SPTLC1: variants seen among roughly 807,000 people sequenced by gnomAD.
SPTLC1 encodes serine palmitoyltransferase long chain base subunit 1.
In SPTLC1, 55 loss-of-function variants were observed where a neutral mutation model predicts 68.9. The observed-to-expected ratio is 0.80, with a 90% CI of 0.64 to 1.00. SPTLC1 has a LOEUF of 1.00. Among genes scored for constraint, SPTLC1 ranks in the 50% least tolerant of loss-of-function variants. SPTLC1 has a pLI of 0.00. For missense variants in SPTLC1, 449 were observed against 573.1 expected, an observed-to-expected ratio of 0.78 and a Z score of 2.21; for synonymous variants, 197 against 201.6, an observed-to-expected ratio of 0.98 and a Z score of 0.19.
At chr9:92,061,861 T>C (rs1036513208) in intron 6 of SPTLC1, among the ~76,000 whole-genome samples, 50 of 151,804 alleles carry the variant, frequency 3.3e-4, no homozygotes, top group Non-Finnish European at 1.3e-4. Flanking sequence ...AAAAGTAAAT[T>C]CTAAAAACAT....
chr9:92,065,943 G>A (rs771338157), intron 6 of SPTLC1, among the ~76,000 whole-genome samples: 16 of 152,112 alleles, frequency 1.1e-4, no homozygotes, highest in South Asian at 4.2e-4. Flanking sequence ...CTGCACAAGC[G>A]TTCCAACGGT....
chr9:92,052,414 C>A (rs140291360), intron 8 of SPTLC1, among the ~76,000 whole-genome samples: 1 of 151,980 alleles, frequency 6.6e-6, no homozygotes, highest in African/African-American at 2.4e-5. Context: ...TCAACGCATA[C>A]GCAAAAATGA....
At chr9:92,057,905 A>T (rs1012647792) in intron 7 of SPTLC1, among the ~76,000 whole-genome samples, 1 of 152,054 alleles carries the variant, frequency 6.6e-6, no homozygotes, top group Non-Finnish European at 1.5e-5. Context: ...TTGCTCATTT[A>T]AAAAAAAGTT....
chr9:92,081,957 T>C (rs1302619274), intron 3 of SPTLC1, among the ~76,000 whole-genome samples: 4 of 152,158 alleles, frequency 2.6e-5, no homozygotes, highest in Non-Finnish European at 5.9e-5. Flanking sequence ...TGAAGTAAAT[T>C]CATGAAAGCG....
Position 92,115,362 on chromosome 9 carries a change from G to A in SPTLC1, c.9C>T (p.Thr3=). 2 of 1,613,104 alleles carry A rather than the reference G, an allele frequency of 1.2e-6. No homozygotes were observed. The change falls in exon 1 of 15, where the codon ACC becomes ACT. Residue 3 remains threonine, a synonymous_variant. Transcript: ENST00000262554. ...CCACCAGAACCCACTGCTCCGTGGCGGTCGCCATAGTTAGCCGCTTCCTTC... is the reference window on the plus strand; with the variant it reads ...CCACCAGAACCCACTGCTCCGTGGCAGTCGCCATAGTTAGCCGCTTCCTTC... MA[T]ATEQWVLVEM... is the part of the protein sequence containing the mutation.
At chr9:92,102,639 G>A (rs539285402) in intron 3 of SPTLC1, among the ~76,000 whole-genome samples, 2 of 151,894 alleles carry the variant, frequency 1.3e-5, no homozygotes, top group Non-Finnish European at 2.9e-5. Flanking sequence ...AAGCTCCAGA[G>A]TAACCAGAGA....
At chr9:92,099,743 A>C (rs1291090463) in intron 3 of SPTLC1, among the ~76,000 whole-genome samples, 1 of 152,088 alleles carries the variant, frequency 6.6e-6, no homozygotes, top group East Asian at 1.9e-4. Context: ...CAGCCTCCCA[A>C]AGTGCTGAGA....
At chr9:92,097,214 T>A (rs189240959) in intron 3 of SPTLC1, among the ~76,000 whole-genome samples, 155 of 152,232 alleles carry the variant, frequency 1.0e-3, no homozygotes, top group Admixed American at 2.5e-3. Flanking sequence ...ATGTAGCTAG[T>A]GGGAATATAA....
At chr9:92,032,649 G>A in intron 14 of SPTLC1, 91 bp from the exon 15 acceptor site, 7 of 1,529,984 alleles carry the variant, frequency 4.6e-6, no homozygotes, top group Non-Finnish European at 6.3e-6. Context: ...GGCCAAGGCA[G>A]GTGGATCACG....
intron 3 of SPTLC1, among the ~76,000 whole-genome samples, chr9:92,088,560 A>G (rs1835243985): frequency 6.6e-6 from 1 of 152,232 alleles, no homozygotes; most frequent in African/African-American, 2.4e-5. Context: ...AAAACAAAAA[A>G]CAAACAACAA....
At chr9:92,032,616 G>A (rs958863554) in intron 14 of SPTLC1, 58 bp from the exon 15 acceptor site, 19 of 1,608,118 alleles carry the variant, frequency 1.2e-5, no homozygotes, top group Middle Eastern at 1.7e-4. Context: ...AGTGGCTCAC[G>A]CCTGTAATCC....
At position 92,112,182 on chromosome 9, in the gene SPTLC1, G is replaced by A. The variant is rs944673517; in HGVS notation, c.165+273C>T. ...ACTTATGAATATTCAAACTCCAGTAGTTGCCCATGCTTCCCTCTAACCATC... is the reference window on the plus strand; with the variant it reads ...ACTTATGAATATTCAAACTCCAGTAATTGCCCATGCTTCCCTCTAACCATC... On this transcript the variant is annotated intron_variant, in intron 2 of 14. Coordinates refer to ENST00000262554, the MANE Select transcript of SPTLC1 (RefSeq NM_006415.4). 9.4e-4 allele frequency among the ~76,000 whole-genome samples: 143 copies of A among 152,300 alleles called. 1 individual carries two copies. Among genetic ancestry groups the A allele is most frequent in the Admixed American group, 3.0e-3 (46 of 15,300 alleles).
Position 92,079,410 on chromosome 9 carries a change from G to T in SPTLC1, c.427+606C>A, listed in dbSNP as rs148939897. 4,795 of 1,543,704 alleles carry T rather than the reference G, an allele frequency of 3.1e-3. 262 individuals are homozygous for T. The Admixed American group carries it at 0.086, about 28-fold the overall frequency. On this transcript the variant is annotated intron_variant, in intron 5 of 14. Transcript: ENST00000262554. ...ATTTAATAACATTTTCAGGAGCAAAGAATATACACTTAATAAAAACAACCA... is the reference window on the plus strand; with the variant it reads ...ATTTAATAACATTTTCAGGAGCAAATAATATACACTTAATAAAAACAACCA...
intron 8 of SPTLC1, among the ~76,000 whole-genome samples, chr9:92,052,762 C>A (rs1379842414): frequency 2.6e-5 from 4 of 151,822 alleles, no homozygotes; most frequent in Non-Finnish European, 5.9e-5. Context: ...GAACTCCTGA[C>A]CTCAAATGAT....
intron 1 of SPTLC1, 37 bp downstream of exon 1, chr9:92,115,277 G>C: frequency 1.9e-6 from 3 of 1,607,664 alleles, no homozygotes; most frequent in Non-Finnish European, 2.5e-6. Flanking sequence ...CCCCGGGCCC[G>C]GGTGTGGTCG....
At chr9:92,061,344 A>G in intron 6 of SPTLC1, among the ~76,000 whole-genome samples, 1 of 152,232 alleles carries the variant, frequency 6.6e-6, no homozygotes, top group Non-Finnish European at 1.5e-5. Flanking sequence ...AAAGCATCAC[A>G]ATGTGTTTCT....
Position 92,115,376 on chromosome 9 carries a change from G to A in SPTLC1, c.-6C>T, listed in dbSNP as rs758217796. On this transcript the variant is annotated 5_prime_UTR_variant, in exon 1 of 15. Transcript: ENST00000262554. ...TGCTCCGTGGCGGTCGCCATAGTTA[G>A]CCGCTTCCTTCCGGAAGGCGGGTCA... The A allele has an allele frequency of 1.9e-6, 3 of 1,613,220 alleles. No individual in the cohort carries two copies. The highest frequency in any genetic ancestry group is 2.2e-5 in the South Asian group (2 of 91,078).
In SPTLC1 at chr9:92,104,492, G is replaced by C; in HGVS notation, c.260+4248C>G. 3.5e-6 allele frequency: 5 copies of C among 1,410,758 alleles called. No homozygotes were observed. In the South Asian group the frequency reaches 5.1e-5, roughly 14 times the overall value. 87.4% of individuals were successfully genotyped at this position (1,410,758 alleles called of 1,614,324 possible). Reference sequence around the variant, plus strand: ...AGGGTCCTGCCTCCTGTGGTCTGGAGCCCCCCCCTCAAGGAAGAAACCCGT... The same window carrying C: ...AGGGTCCTGCCTCCTGTGGTCTGGACCCCCCCCCTCAAGGAAGAAACCCGT... On this transcript the variant is annotated intron_variant, in intron 3 of 14. Transcript: ENST00000262554.
At chr9:92,103,669 G>T (rs1473536595) in intron 3 of SPTLC1, among the ~76,000 whole-genome samples, 1 of 152,254 alleles carries the variant, frequency 6.6e-6, no homozygotes, top group Non-Finnish European at 1.5e-5. Context: ...AGCAAGGCTG[G>T]TGGCCCTTGA....
Sources: gnomAD v4.1 joint callset for allele counts (sites outside exome capture counted in the v4.1 genomes callset) on GRCh38, gnomAD v4.1.1 for gene constraint, MANE v1.5 for transcripts, NCBI Gene and HGNC (gene_info 2026-07-23, HGNC 2026-07-21) for gene names.